COL6A5: variants seen among roughly 807,000 people sequenced by gnomAD.
COL6A5 encodes the protein collagen alpha-5(VI) chain.
In COL6A5, 48 loss-of-function variants were observed where a neutral mutation model predicts 65.6. The observed-to-expected ratio is 0.73, with a 90% CI of 0.58 to 0.93. The LOEUF (loss-of-function observed/expected upper bound fraction) is 0.93. Ranked by LOEUF, COL6A5 falls within the 40% of genes least tolerant of loss-of-function variation. COL6A5 has a pLI of 0.00. For missense variants in COL6A5, 914 were observed against 928.3 expected (o/e 0.98, Z 0.20); for synonymous variants, 291 against 322.8 (o/e 0.90, Z 1.05).
At position 130,440,621 on chromosome 3, in the gene COL6A5, G is replaced by T. The variant is rs1019334850; in HGVS notation, c.1039G>T (p.Glu347Ter). 6 of 1,613,234 alleles carry T rather than the reference G, an allele frequency of 3.7e-6. No homozygotes were observed. Among genetic ancestry groups the T allele is most frequent in the Non-Finnish European group, 5.1e-6 (6 of 1,179,662 alleles). ...AGCTGGAGAAAATTATGAGAGAAAA[G>T]AATTTGTAAAAATGATGGCTTTGAG... is the stretch of plus-strand genomic sequence containing the variant. The change falls in exon 3 of 8, where the codon GAA becomes TAA. Residue 347 changes from glutamate to a stop codon, truncating the protein, a stop_gained. Coordinates refer to ENST00000512836, the Ensembl canonical transcript of COL6A5. LOFTEE classifies it high-confidence loss of function.
chr3:130,367,766 A>G (rs1364954295), intron 1 of COL6A5, among the ~76,000 whole-genome samples: 1 of 152,264 alleles, frequency 6.6e-6, no homozygotes, highest in Admixed American at 6.5e-5. Flanking sequence ...TATAAGGTCC[A>G]GTGAGACTAC....
At chr3:130,450,642 A>G (rs541086275) in intron 4 of COL6A5, among the ~76,000 whole-genome samples, 9 of 152,198 alleles carry the variant, frequency 5.9e-5, no homozygotes, top group Non-Finnish European at 1.2e-4. Flanking sequence ...TCAAAAGCTA[A>G]CATACGAAGG....
rs200243483 is a variant in COL6A5 at position 130,468,928 on chromosome 3, G to T, written c.1680G>T (p.Lys560Asn). ...AAAGAGTAGGAAGTGATGAGTTTAA[G>T]GAAGTAAAAGCTTTTATAACCTCAG... is the stretch of plus-strand genomic sequence containing the variant. The change falls in exon 6 of 8, where the codon AAG (lysine) becomes AAT (asparagine). Residue 560 changes from lysine (K) to asparagine (N), a missense_variant. Lys to Asn is a moderately conservative substitution (Grantham distance 94, BLOSUM62 0). Transcript: ENST00000512836. 944 of 1,612,416 alleles carry T rather than the reference G, an allele frequency of 5.9e-4. 1 individual carries two copies. The highest frequency in any genetic ancestry group is 7.0e-4 in the Non-Finnish European group (830 of 1,179,256).
intron 29 of COL6A5, 123 bp from the exon 30 acceptor site, chr3:130,426,091 T>C (rs1937596468): frequency 2.3e-6 from 2 of 865,494 alleles, no homozygotes; most frequent in Admixed American, 4.8e-5. Flanking sequence ...AGGAATATTT[T>C]AACTACTCTC....
upstream of COL6A5, among the ~76,000 whole-genome samples, chr3:130,430,564 G>A (rs919389889): frequency 1.3e-5 from 2 of 152,184 alleles, no homozygotes; most frequent in Non-Finnish European, 2.9e-5. Flanking sequence ...GAAAAGTGAG[G>A]TTTGATACAT....
exon 3 of COL6A5, chr3:130,440,450 C>A (rs1214029815): frequency 6.2e-7 from 1 of 1,613,490 alleles, no homozygotes; most frequent in African/African-American, 1.3e-5. Flanking sequence ...TTATGACAAC[C>A]AACTCCTAAT....
intron 7 of COL6A5, among the ~76,000 whole-genome samples, chr3:130,472,874 T>C (rs1330937177): frequency 7.3e-6 from 1 of 136,634 alleles, no homozygotes; most frequent in Non-Finnish European, 1.6e-5. Context: ...TTTATAAATA[T>C]AGATATAGTT....
chr3:130,379,635 A>G, exon 4 of COL6A5: 2 of 1,551,434 alleles, frequency 1.3e-6, no homozygotes, highest in Non-Finnish European at 1.7e-6. Context: ...GCACAACCCA[A>G]TCTGAATTTC....
In COL6A5 at chr3:130,418,885, C is replaced by G. The variant is rs985479409; in HGVS notation, c.4904C>G (p.Pro1635Arg). ...ACTTACTAGGGAGAGCCTGGACTTC[C>G]TGGAGATCTAGGGCCAGTGGGGCAA... The change falls in exon 25 of 42, where the codon CCT (proline) becomes CGT (arginine). Residue 1635 changes from proline to arginine, a missense_variant and NMD_transcript_variant. Transcript: ENST00000312481. 1.2e-5 allele frequency: 18 copies of G among 1,550,774 alleles called. No individual in the cohort carries two copies. The highest frequency in any genetic ancestry group is 1.5e-5 in the Non-Finnish European group (17 of 1,146,410).
chr3:130,437,752 A>G (rs1257557595), intron 1 of COL6A5, among the ~76,000 whole-genome samples: 1 of 151,972 alleles, frequency 6.6e-6, no homozygotes, highest in Non-Finnish European at 1.5e-5. Flanking sequence ...TCACCTGGCT[A>G]TTTCCTATGC....
At chr3:130,390,710 G>A (rs1240586364) in intron 6 of COL6A5, among the ~76,000 whole-genome samples, 3 of 152,168 alleles carry the variant, frequency 2.0e-5, no homozygotes, top group Admixed American at 6.5e-5. Flanking sequence ...AGGGTCCAAA[G>A]ATACCTGGAG....
chr3:130,402,426 C>T (rs1331320385), intron 12 of COL6A5, among the ~76,000 whole-genome samples: 1 of 152,044 alleles, frequency 6.6e-6, no homozygotes, highest in Non-Finnish European at 1.5e-5. Context: ...ATGATATTTT[C>T]AATAAAATAT....
rs1030373464 is a variant in COL6A5 at position 130,406,189 on chromosome 3, C to T, written c.4425+14C>T. ...GATGGGGAAGAGGTAAGCCATATTT[C>T]TTCAAGTATCATAAAACTGTCATGA... On this transcript the variant is annotated intron_variant and NMD_transcript_variant, in intron 16 of 41. Coordinates refer to the COL6A5 transcript ENST00000312481. The T allele has an allele frequency of 4.5e-6, 7 of 1,550,342 alleles. No individual in the cohort carries two copies. The highest frequency in any genetic ancestry group is 4.9e-5 in the East Asian group (2 of 40,908).
chr3:130,386,484 A>C lies in COL6A5; in HGVS notation c.1861+1120A>C, dbSNP rs114394681. On this transcript the variant is annotated intron_variant and NMD_transcript_variant, in intron 5 of 41. Transcript: ENST00000312481. ...AGCCACTGAAAAACAAAAATAAAAA[A>C]TAAGTAAGCAAATAAATAGCATTAA... Among the ~76,000 whole-genome samples the C allele has an allele frequency of 4.0e-3, 604 of 152,238 alleles. 7 individuals carry two copies. Among genetic ancestry groups the C allele is most frequent in the African/African-American group, 0.014 (581 of 41,566 alleles).
At chr3:130,444,624 AG>A in intron 4 of COL6A5, among the ~76,000 whole-genome samples, 1 of 152,224 alleles carries the variant, frequency 6.6e-6, no homozygotes, top group Middle Eastern at 3.4e-3. Flanking sequence ...CTCGATTTTG[AG>A]GCAGGATTCT....
chr3:130,419,805 G>C lies in COL6A5; in HGVS notation c.4950+874G>C, dbSNP rs191817240. 5.8e-4 allele frequency among the ~76,000 whole-genome samples: 88 copies of C among 150,522 alleles called. 1 individual carries two copies. The highest frequency in any genetic ancestry group is 1.8e-3 in the African/African-American group (75 of 41,506). On this transcript the variant is annotated intron_variant and NMD_transcript_variant, in intron 25 of 41. Transcript: ENST00000312481. ...GTCAAAGTATACAAAATTTCAATTA[G>C]AAAGAAGTAATAAGTTCAAGAGATC...
At chr3:130,440,463 A>G (rs868063752) in exon 3 of COL6A5, 2 of 1,613,756 alleles carry the variant, frequency 1.2e-6, no homozygotes, top group African/African-American at 2.7e-5. Context: ...CTCCTAATGA[A>G]GAATCACATC....
chr3:130,452,112 C>G (rs888293418), intron 4 of COL6A5, among the ~76,000 whole-genome samples: 53 of 152,236 alleles, frequency 3.5e-4, no homozygotes, highest in African/African-American at 1.2e-3. Flanking sequence ...TTTAATATAG[C>G]AGAGATAAGC....
chr3:130,355,850 T>G (rs982276994), intron 1 of COL6A5, among the ~76,000 whole-genome samples: 1 of 151,526 alleles, frequency 6.6e-6, no homozygotes, highest in South Asian at 2.1e-4. Flanking sequence ...GAATCACAGA[T>G]CTGATCAAAA....
Sources: gnomAD v4.1 joint callset for allele counts (sites outside exome capture counted in the v4.1 genomes callset) on GRCh38, gnomAD v4.1.1 for gene constraint, MANE v1.5 for transcripts, NCBI Gene and HGNC (gene_info 2026-07-23, HGNC 2026-07-21) for gene names.